Variants in ANO10 observed in about 807,000 individuals in gnomAD.
ANO10 encodes the protein anoctamin 10, also known as anoctamin-10.
In ANO10, 77 loss-of-function variants were observed where a neutral mutation model predicts 74.7. That is an observed-to-expected ratio of 1.03 (90% CI 0.86 to 1.25). The LOEUF is 1.25. Ranked by LOEUF, ANO10 falls within the 50% of genes most tolerant of loss-of-function variation. ANO10 has a pLI of 0.00. For missense variants in ANO10, 721 were observed against 778.1 expected (o/e 0.93, Z 0.87); for synonymous variants, 279 against 284.9 (o/e 0.98, Z 0.21).
intron 12 of ANO10, among the ~76,000 whole-genome samples, chr3:43,415,704 G>A (rs1450367205): frequency 6.6e-6 from 1 of 151,846 alleles, no homozygotes; most frequent in Non-Finnish European, 1.5e-5. Context: ...ACCACGTCTG[G>A]CTAATTTTTG....
intron 1 of ANO10, among the ~76,000 whole-genome samples, chr3:43,661,715 A>G (rs1368201437): frequency 6.6e-6 from 1 of 152,220 alleles, no homozygotes; most frequent in Non-Finnish European, 1.5e-5. Context: ...GGGACGATCT[A>G]CCAAACAAAT....
At chr3:43,582,458 G>A (rs918088763) in intron 4 of ANO10, among the ~76,000 whole-genome samples, 1 of 151,286 alleles carries the variant, frequency 6.6e-6, no homozygotes, top group Non-Finnish European at 1.5e-5. Flanking sequence ...AAAAAAAAAA[G>A]AAACACAAAG....
intron 1 of ANO10, among the ~76,000 whole-genome samples, chr3:43,680,290 C>T (rs1339083224): frequency 6.6e-6 from 1 of 152,116 alleles, no homozygotes; most frequent in African/African-American, 2.4e-5. Flanking sequence ...GTGACGAATG[C>T]ACAAGCCTCA....
At chr3:43,547,290 T>C (rs2079238838) in intron 11 of ANO10, among the ~76,000 whole-genome samples, 1 of 152,218 alleles carries the variant, frequency 6.6e-6, no homozygotes, top group African/African-American at 2.4e-5. Context: ...AAAAATTGGC[T>C]AACAAAAGTT....
At chr3:43,631,479 T>TAAA (rs1176511862) in intron 1 of ANO10, among the ~76,000 whole-genome samples, 11 of 152,236 alleles carry the variant, frequency 7.2e-5, no homozygotes, top group African/African-American at 2.4e-4. Flanking sequence ...CAAACCAGAG[T>TAAA]TGCCAACTGA....
At chr3:43,434,445 A>C (rs1022302894) in intron 11 of ANO10, among the ~76,000 whole-genome samples, 11 of 152,234 alleles carry the variant, frequency 7.2e-5, no homozygotes, top group Admixed American at 7.2e-4. Context: ...ATATAATTTT[A>C]TACAAGACAA....
At chr3:43,477,110 T>A (rs2076095050) in intron 11 of ANO10, among the ~76,000 whole-genome samples, 1 of 152,226 alleles carries the variant, frequency 6.6e-6, no homozygotes, top group Non-Finnish European at 1.5e-5. Context: ...GTATTCTCCC[T>A]AGAGACAAGC....
chr3:43,559,586 T>A (rs1224347736), intron 9 of ANO10, among the ~76,000 whole-genome samples: 2 of 151,606 alleles, frequency 1.3e-5, no homozygotes, highest in African/African-American at 4.9e-5. Flanking sequence ...GGAGAAGAAG[T>A]AGATACAAGA....
chr3:43,367,388 A>G (rs892604180), intron 12 of ANO10, among the ~76,000 whole-genome samples: 2 of 152,200 alleles, frequency 1.3e-5, no homozygotes, highest in Non-Finnish European at 2.9e-5. Context: ...CCAAATCTGC[A>G]GTGAGAGCAA....
intron 1 of ANO10, among the ~76,000 whole-genome samples, chr3:43,613,171 C>CA (rs57454559): frequency 0.01 from 1,302 of 127,284 alleles, 18 homozygotes; most frequent in East Asian, 0.07. Flanking sequence ...GACTCTGTCT[C>CA]AAAAAAAAAA....
intron 4 of ANO10, among the ~76,000 whole-genome samples, chr3:43,589,156 T>A (rs1389051006): frequency 6.6e-6 from 1 of 151,932 alleles, no homozygotes; most frequent in African/African-American, 2.4e-5. Flanking sequence ...AATAAATGAA[T>A]GAGTTAATAT....
intron 11 of ANO10, among the ~76,000 whole-genome samples, chr3:43,530,761 T>C (rs1307639784): frequency 6.6e-6 from 1 of 152,232 alleles, no homozygotes; most frequent in Non-Finnish European, 1.5e-5. Context: ...TTAAACTTTA[T>C]CATAGGTATG....
At chr3:43,504,586 T>C (rs561996251) in intron 11 of ANO10, among the ~76,000 whole-genome samples, 50 of 152,282 alleles carry the variant, frequency 3.3e-4, no homozygotes, top group African/African-American at 1.0e-3. Context: ...TTAGTTTATG[T>C]AGTTTAGAGG....
chr3:43,456,587 T>A (rs920908092), intron 11 of ANO10, among the ~76,000 whole-genome samples: 8 of 152,282 alleles, frequency 5.3e-5, no homozygotes, highest in Non-Finnish European at 1.2e-4. Flanking sequence ...ACAGATATCA[T>A]AAACACTGAG....
exon 1 of ANO10, chr3:43,691,587 G>A (rs2084386830): frequency 6.6e-6 from 1 of 152,486 alleles, no homozygotes; most frequent in South Asian, 2.1e-4. Flanking sequence ...CGCTTCCTTG[G>A]AGGGGATATT....
intron 5 of ANO10, among the ~76,000 whole-genome samples, chr3:43,578,606 C>T (rs989793777): frequency 2.0e-5 from 3 of 151,920 alleles, no homozygotes; most frequent in Non-Finnish European, 4.4e-5. Flanking sequence ...AAAAATTAGC[C>T]GGGCATGGTG....
intron 11 of ANO10, among the ~76,000 whole-genome samples, chr3:43,548,924 T>C: frequency 6.6e-6 from 1 of 152,212 alleles, no homozygotes; most frequent in Non-Finnish European, 1.5e-5. Context: ...AAATTATCTA[T>C]CGTCCTACAA....
chr3:43,613,282 A>G (rs560442366), intron 1 of ANO10, among the ~76,000 whole-genome samples: 47 of 152,328 alleles, frequency 3.1e-4, no homozygotes, highest in African/African-American at 1.0e-3. Flanking sequence ...TCAGATCAAG[A>G]CAAAATCTAG....
intron 11 of ANO10, chr3:43,472,340 A>T (rs1013799771): frequency 2.7e-5 from 4 of 150,080 alleles, no homozygotes; most frequent in African/African-American, 9.8e-5. Flanking sequence ...ACAGGTCTTT[A>T]CACCAAAAAG....
Sources: allele counts gnomAD v4.1 joint callset (sites outside exome capture counted in the v4.1 genomes callset), GRCh38; gene constraint gnomAD v4.1.1; transcripts MANE v1.5; gene names NCBI Gene and HGNC (gene_info 2026-07-23, HGNC 2026-07-21).